FAM171B: variants seen among roughly 807,000 people sequenced by gnomAD.
FAM171B encodes family with sequence similarity 171 member B.
FAM171B carries 19 observed loss-of-function variants against 75.6 expected under a neutral mutation model. The observed-to-expected ratio is 0.25, with a 90% CI of 0.18 to 0.37. The LOEUF is 0.37. Ranked by LOEUF, FAM171B falls within the 10% of genes least tolerant of loss-of-function variation. FAM171B has a pLI of 1.00. For missense variants in FAM171B, 848 were observed against 982.4 expected (o/e 0.86, Z 1.83); for synonymous variants, 367 against 361.7 (o/e 1.01, Z -0.17).
intron 1 of FAM171B, among the ~76,000 whole-genome samples, chr2:186,696,618 C>T (rs552987467): frequency 3.0e-4 from 45 of 150,430 alleles, no homozygotes; most frequent in Non-Finnish European, 4.7e-4. Flanking sequence ...CTTACCCTAA[C>T]TCTCTCCACT....
chr2:186,724,623 A>C (rs1690004406), intron 1 of FAM171B, among the ~76,000 whole-genome samples: 1 of 152,228 alleles, frequency 6.6e-6, no homozygotes, highest in Non-Finnish European at 1.5e-5. Flanking sequence ...AACACGGGAA[A>C]GTCAGATTGG....
chr2:186,730,526 A>G (rs1296718896), intron 1 of FAM171B, among the ~76,000 whole-genome samples: 1 of 152,212 alleles, frequency 6.6e-6, no homozygotes, highest in Non-Finnish European at 1.5e-5. Flanking sequence ...TCAGGCCTGT[A>G]TTATGCACTA....
At chr2:186,709,685 T>C (rs1689783825) in intron 1 of FAM171B, among the ~76,000 whole-genome samples, 1 of 152,154 alleles carries the variant, frequency 6.6e-6, no homozygotes, top group Non-Finnish European at 1.5e-5. Flanking sequence ...AACCTCTCTT[T>C]CCCACCTGCA....
intron 4 of FAM171B, among the ~76,000 whole-genome samples, chr2:186,749,176 A>C (rs1235827693): frequency 6.6e-6 from 1 of 152,194 alleles, no homozygotes; most frequent in African/African-American, 2.4e-5. Flanking sequence ...TGGTCACTTT[A>C]TTAGATTACA....
intron 5 of FAM171B, 52 bp from the exon 6 acceptor site, chr2:186,753,881 C>T: frequency 7.3e-7 from 1 of 1,361,210 alleles, no homozygotes; most frequent in Admixed American, 1.7e-5. Context: ...TGTGCATGAC[C>T]ATCAGTTCTT....
chr2:186,720,036 A>G (rs1355717029), intron 1 of FAM171B, among the ~76,000 whole-genome samples: 2 of 152,206 alleles, frequency 1.3e-5, no homozygotes, highest in Non-Finnish European at 2.9e-5. Flanking sequence ...AACACAGCAT[A>G]TAATATTCTT....
Position 186,762,595 on chromosome 2 carries a change from C to A in FAM171B, c.2253C>A (p.Thr751=), listed in dbSNP as rs752788119. ...TAAGCAGCAGTGAGAGTGGAACCAC[C>A]GTCTGTTCCCCTGAGGACCCAGCTT... ...LDLSSSESGT[T]VCSPEDPALR... Residue 751 remains threonine, a synonymous_variant, in exon 8 of 8, where the codon ACC becomes ACA. Coordinates refer to ENST00000304698, the MANE Select transcript of FAM171B (RefSeq NM_177454.4). The surrounding 1 kb of genome is among the most constrained non-coding windows in gnomAD (Gnocchi z 4.0). 1 of 1,613,340 alleles carries A rather than the reference C, an allele frequency of 6.2e-7. No homozygotes were observed. Among genetic ancestry groups the A allele is most frequent in the African/African-American group, 1.3e-5 (1 of 74,890 alleles).
chr2:186,736,920 A>G (rs74631369), intron 1 of FAM171B, among the ~76,000 whole-genome samples: 2,954 of 152,202 alleles, frequency 0.019, 37 homozygotes, highest in Non-Finnish European at 0.03. Context: ...TTGCAGCATA[A>G]TCTTTATATT....
chr2:186,758,086 C>A (rs930521612), intron 6 of FAM171B, among the ~76,000 whole-genome samples: 1 of 152,102 alleles, frequency 6.6e-6, no homozygotes, highest in East Asian at 1.9e-4. Flanking sequence ...TTTAATATAA[C>A]CTTAAAGCTT....
At chr2:186,718,063 C>T (rs966672025) in intron 1 of FAM171B, among the ~76,000 whole-genome samples, 2 of 151,980 alleles carry the variant, frequency 1.3e-5, no homozygotes, top group Non-Finnish European at 2.9e-5. Context: ...TAAAAATTTC[C>T]CCATCTCAAT....
intron 1 of FAM171B, among the ~76,000 whole-genome samples, chr2:186,730,559 A>G (rs930073707): frequency 6.6e-6 from 1 of 152,208 alleles, no homozygotes; most frequent in Non-Finnish European, 1.5e-5. Context: ...ACTTTAAGAT[A>G]TAGATATAGG....
intron 4 of FAM171B, among the ~76,000 whole-genome samples, chr2:186,748,324 T>TC (rs890057044): frequency 5.3e-5 from 8 of 151,956 alleles, no homozygotes; most frequent in Non-Finnish European, 1.2e-4. Flanking sequence ...TTTTTTTTTT[T>TC]CAGATATTTT....
chr2:186,752,351 C>T (rs1690469117), intron 5 of FAM171B, among the ~76,000 whole-genome samples: 1 of 151,958 alleles, frequency 6.6e-6, no homozygotes, highest in South Asian at 2.1e-4. Context: ...GTAATAAGGC[C>T]CCCAAAACAC....
chr2:186,761,497 A>G lies in FAM171B; in HGVS notation c.1155A>G (p.Pro385=). ...LCYCRDKCGT[P]QKRERNITKL... ...ACTCTAGGGACAAGTGTGGTACTCC[A>G]CAGAAAAGAGAAAGAAATATCACTA... The change falls in exon 8 of 8, where the codon CCA becomes CCG. Residue 385 remains proline, a synonymous_variant. Coordinates refer to ENST00000304698, the MANE Select transcript of FAM171B (RefSeq NM_177454.4). The G allele has an allele frequency of 6.3e-7, 1 of 1,578,798 alleles. No homozygotes were observed. Among genetic ancestry groups the G allele is most frequent in the Non-Finnish European group, 8.6e-7 (1 of 1,169,022 alleles).
chr2:186,713,593 C>T (rs776750499), intron 1 of FAM171B, among the ~76,000 whole-genome samples: 34 of 152,066 alleles, frequency 2.2e-4, no homozygotes, highest in Non-Finnish European at 4.3e-4. Flanking sequence ...CATTTTATAA[C>T]TTTCTAATAA....
rs113985963 is a variant in FAM171B, at chr2:186,715,191, G to A, written c.238+20780G>A. Among the ~76,000 whole-genome samples, 548 of 151,336 alleles carry A rather than the reference G, an allele frequency of 3.6e-3. 6 individuals carry two copies. Among genetic ancestry groups the A allele is most frequent in the South Asian group, 0.02 (94 of 4,780 alleles). On this transcript the variant is annotated intron_variant, in intron 1 of 7. Coordinates refer to ENST00000304698, the MANE Select transcript of FAM171B (RefSeq NM_177454.4). Reference sequence around the variant, plus strand: ...CTTTTTGAAGGAACTGAGGGGTTTTGTGTGTGTGTGTGTGTTTTGTTTGTT... The same window carrying A: ...CTTTTTGAAGGAACTGAGGGGTTTTATGTGTGTGTGTGTGTTTTGTTTGTT...
In FAM171B at chr2:186,762,762, G is replaced by GAGAT; in HGVS notation, c.2423_2426dup (p.Ser809ArgfsTer2). Reference sequence around the variant, plus strand: ...AGGGGCAGACCACCACTAGCCAAAAGAGATAGCAAGACTAACATCTGGAAG... The same window carrying GAGAT: ...AGGGGCAGACCACCACTAGCCAAAAGAGATAGATAGCAAGACTAACATCTGGAAG... On this transcript the variant is annotated frameshift_variant, in exon 8 of 8. Transcript: ENST00000304698. LOFTEE classifies it high-confidence loss of function. The surrounding 1 kb of genome is among the most constrained non-coding windows in gnomAD (Gnocchi z 4.0). The GAGAT allele has an allele frequency of 6.2e-7, 1 of 1,613,362 alleles. No individual in the cohort carries two copies. The highest frequency in any genetic ancestry group is 8.5e-7 in the Non-Finnish European group (1 of 1,179,576).
chr2:186,749,006 T>G (rs116693272), intron 4 of FAM171B, among the ~76,000 whole-genome samples: 1 of 152,292 alleles, frequency 6.6e-6, no homozygotes, highest in African/African-American at 2.4e-5. Context: ...TTGAGAGTAT[T>G]CATTAATAGT....
chr2:186,734,219 C>T (rs1690164136), intron 1 of FAM171B, among the ~76,000 whole-genome samples: 1 of 152,050 alleles, frequency 6.6e-6, no homozygotes, highest in African/African-American at 2.4e-5. Context: ...CCAATGAGTA[C>T]AGCCCTCAGC....
Sources: gnomAD v4.1 joint callset for allele counts (sites outside exome capture counted in the v4.1 genomes callset) on GRCh38, gnomAD v4.1.1 for gene constraint, Gnocchi (gnomAD v3.1) non-coding constraint, MANE v1.5 for transcripts, NCBI Gene and HGNC (gene_info 2026-07-23, HGNC 2026-07-21) for gene names.